The following FGFR1 variants were observed in gnomAD, a reference collection of about 807,000 sequenced individuals.
FGFR1 encodes the protein FGFR1/PLAG1 fusion.
In FGFR1, 18 loss-of-function variants were observed where a neutral mutation model predicts 93.7. That is an observed-to-expected ratio of 0.19 (90% CI 0.13 to 0.28). FGFR1 has a LOEUF of 0.28. Among genes scored for constraint, FGFR1 ranks in the 10% least tolerant of loss-of-function variants. FGFR1 has a pLI of 1.00. For missense variants in FGFR1, 731 were observed against 1,080.4 expected, an observed-to-expected ratio of 0.68 and a Z score of 4.53; for synonymous variants, 448 against 429.3, an observed-to-expected ratio of 1.04 and a Z score of -0.54.
intron 2 of FGFR1, among the ~76,000 whole-genome samples, chr8:38,452,200 GACACACACACACACACAC>G (rs3051753): frequency 5.5e-4 from 77 of 139,184 alleles, no homozygotes; most frequent in Middle Eastern, 7.1e-3. Flanking sequence ...CAGACACACA[GACACACACACACACACAC>G]ACACACACAC....
At chr8:38,447,149 A>C (rs1006224788) in intron 2 of FGFR1, among the ~76,000 whole-genome samples, 2 of 129,878 alleles carry the variant, frequency 1.5e-5, no homozygotes, top group South Asian at 2.5e-4. Context: ...ACACACACAC[A>C]CACCCCTGAC....
intron 4 of FGFR1, 41 bp from the exon 5 acceptor site, chr8:38,428,134 G>T: frequency 1.2e-6 from 2 of 1,612,700 alleles, no homozygotes; most frequent in Non-Finnish European, 1.7e-6. Flanking sequence ...GGGTGGAGAG[G>T]AGCAGCTGGT....
chr8:38,459,109 C>G (rs1163953632), intron 1 of FGFR1: 1 of 227,242 alleles, frequency 4.4e-6, no homozygotes, highest in African/African-American at 2.2e-5. Context: ...TCTTAAAGAA[C>G]GGATCATAGC....
intron 7 of FGFR1, chr8:38,422,640 G>A (rs1031838973): frequency 8.1e-5 from 23 of 285,140 alleles, no homozygotes; most frequent in Non-Finnish European, 1.1e-4. Context: ...GGCTTCAAGC[G>A]ATCCTCCCAC....
intron 1 of FGFR1, 35 bp downstream of exon 1, chr8:38,467,946 G>A (rs1005538290): frequency 1.8e-5 from 4 of 216,418 alleles, no homozygotes; most frequent in Non-Finnish European, 3.7e-5. Flanking sequence ...GGGACGCCAA[G>A]CCCGCCCCAG....
intron 1 of FGFR1, among the ~76,000 whole-genome samples, chr8:38,463,901 GA>G (rs1834956623): frequency 6.6e-6 from 1 of 151,984 alleles, no homozygotes. Flanking sequence ...AACATATGGA[GA>G]AAGTTACTCA....
chr8:38,461,719 C>A (rs1444140818), intron 1 of FGFR1, among the ~76,000 whole-genome samples: 4 of 151,720 alleles, frequency 2.6e-5, no homozygotes, highest in Non-Finnish European at 4.4e-5. Context: ...GGTTTCCCAC[C>A]TAGAGGAAGC....
At position 38,429,987 on chromosome 8, in the gene FGFR1, C is replaced by A. The variant is rs55916641; in HGVS notation, c.92-39G>T. 1 of 1,569,986 alleles carries A rather than the reference C, an allele frequency of 6.4e-7. No individual in the cohort carries two copies. The highest frequency in any genetic ancestry group is 8.6e-7 in the Non-Finnish European group (1 of 1,156,956). On this transcript the variant is annotated intron_variant, in intron 2 of 17. Transcript: ENST00000447712. The surrounding 1 kb of genome is among the most constrained non-coding windows in gnomAD (Gnocchi z 4.4). ...GGGGCCGGGAAGGGAAGCCAAGGGG[C>A]GAGAGAGGAAGACAGGGAGAGGGGA...
rs10101354 is a variant in FGFR1, at chr8:38,454,052, C to T, written c.91+3304G>A. ...TTTTTAAAAAATGGTCATTTAATGTCAGTCTTCCTGGGTACATGGCTCCTA... is the reference window on the plus strand; with the variant it reads ...TTTTTAAAAAATGGTCATTTAATGTTAGTCTTCCTGGGTACATGGCTCCTA... On this transcript the variant is annotated intron_variant, in intron 2 of 17. Coordinates refer to ENST00000447712, the MANE Select transcript of FGFR1 (RefSeq NM_023110.3). 4.2e-3 allele frequency among the ~76,000 whole-genome samples: 647 copies of T among 152,272 alleles called. 4 individuals carry two copies. Among genetic ancestry groups the T allele is most frequent in the African/African-American group, 0.014 (590 of 41,548 alleles).
intron 7 of FGFR1, chr8:38,422,162 G>C: frequency 1.7e-6 from 1 of 578,888 alleles, no homozygotes; most frequent in East Asian, 3.0e-5. Context: ...CTGAGAAGAC[G>C]ATGGCTGGTT....
chr8:38,460,817 C>G (rs1004365847), intron 1 of FGFR1, among the ~76,000 whole-genome samples: 3 of 152,186 alleles, frequency 2.0e-5, no homozygotes, highest in African/African-American at 7.2e-5. Context: ...CTGCCACCTC[C>G]TGCTTCACCT....
At chr8:38,466,540 A>G (rs1316597066) in intron 1 of FGFR1, 4 of 230,184 alleles carry the variant, frequency 1.7e-5, no homozygotes, top group Non-Finnish European at 2.6e-5. Flanking sequence ...GCCGCCACCC[A>G]CCAGCGGCGG....
intron 3 of FGFR1, 185 bp from the exon 4 acceptor site, chr8:38,428,620 CT>C (rs1330315287): frequency 1.6e-6 from 1 of 619,132 alleles, no homozygotes; most frequent in African/African-American, 1.8e-5. Context: ...TGTTTGCTTC[CT>C]TCCCCGAAGC....
rs2150824531 is a variant in FGFR1, at chr8:38,424,664, A to T, written c.781T>A (p.Leu261Met). ...SPHRPILQAGLPANKTVALGS... is the reference protein window; with the variant it reads ...SPHRPILQAGMPANKTVALGS... ...AGGGCCACTGTTTTGTTGGCGGGCA[A>T]CCCTGCTTGCAGGATGGGCCGGTGA... is the stretch of plus-strand genomic sequence containing the variant. Residue 261 changes from leucine to methionine, a missense_variant, in exon 7 of 18, where the codon TTG becomes ATG. Coordinates refer to ENST00000447712, the MANE Select transcript of FGFR1 (RefSeq NM_023110.3). This position sits in a 1 kb window ranked among gnomAD's most constrained non-coding sequence, Gnocchi z 4.3. 6.2e-7 allele frequency: 1 copy of T among 1,612,358 alleles called. No individual in the cohort carries two copies.
chr8:38,445,172 T>C lies in FGFR1; in HGVS notation c.91+12184A>G, dbSNP rs1828906671. Among the ~76,000 whole-genome samples the C allele has an allele frequency of 2.6e-5, 4 of 152,260 alleles. No homozygotes were observed. In the South Asian group the frequency reaches 8.3e-4, roughly 32 times the overall value. On this transcript the variant is annotated intron_variant, in intron 2 of 17. Transcript: ENST00000447712. ...TCCGTGCCCATCGTGAGCACAAAGC[T>C]CCCTCTGATGTGAGGGAAGTGAAGA... is the stretch of plus-strand genomic sequence containing the variant.
intron 10 of FGFR1, 86 bp downstream of exon 10, chr8:38,418,142 C>T: frequency 6.2e-7 from 1 of 1,602,366 alleles, no homozygotes; most frequent in Admixed American, 1.7e-5. Flanking sequence ...CTTCACCGCC[C>T]AGAAGGTGTT....
At chr8:38,435,614 T>C (rs532428131) in intron 2 of FGFR1, 2 of 152,388 alleles carry the variant, frequency 1.3e-5, no homozygotes, top group South Asian at 4.1e-4. Context: ...GTCAGTACTT[T>C]CCATTCTCTT....
rs866718176 is a variant in FGFR1, at chr8:38,461,416, C to G, written c.-88-3882G>C. 5.9e-5 allele frequency among the ~76,000 whole-genome samples: 9 copies of G among 152,120 alleles called. No individual in the cohort carries two copies. The South Asian group carries it at 6.3e-4, about 11-fold the overall frequency. ...GTGGCACGATCTCAACTCACTACAACCTCCATCCCCCAGACTCAAGTGATC... is the reference window on the plus strand; with the variant it reads ...GTGGCACGATCTCAACTCACTACAAGCTCCATCCCCCAGACTCAAGTGATC... On this transcript the variant is annotated intron_variant, in intron 1 of 17. Transcript: ENST00000447712.
At chr8:38,420,087 C>T (rs1047625082) in intron 8 of FGFR1, 4 of 325,244 alleles carry the variant, frequency 1.2e-5, no homozygotes, top group African/African-American at 8.4e-5. Context: ...TTCTATGTGC[C>T]TTTCTTGGTC....
Sources: gnomAD v4.1 joint callset for allele counts (sites outside exome capture counted in the v4.1 genomes callset) on GRCh38, gnomAD v4.1.1 for gene constraint, Gnocchi (gnomAD v3.1) non-coding constraint, MANE v1.5 for transcripts, NCBI Gene and HGNC (gene_info 2026-07-23, HGNC 2026-07-21) for gene names.